The following FSTL4 variants were observed in gnomAD, a reference collection of about 807,000 sequenced individuals.
FSTL4 encodes follistatin like 4.
Under a neutral mutation model 78.2 loss-of-function variants are expected in FSTL4, and 28 were observed. The ratio of observed to expected loss-of-function variants is 0.36; its 90% CI spans 0.27 to 0.49. FSTL4 has a LOEUF of 0.49. FSTL4 is among the 20% of genes least tolerant of loss of function. The pLI is 0.98. For missense variants in FSTL4, 922 were observed against 1,084.9 expected, an observed-to-expected ratio of 0.85 and a Z score of 2.11; for synonymous variants, 422 against 440.5, an observed-to-expected ratio of 0.96 and a Z score of 0.53.
intron 6 of FSTL4, among the ~76,000 whole-genome samples, chr5:133,293,246 A>G (rs1240100695): frequency 1.3e-5 from 2 of 152,236 alleles, no homozygotes; most frequent in African/African-American, 2.4e-5. Context: ...AAGGGCCACA[A>G]GAGCCTCCCA....
At chr5:133,791,262 G>A in the FSTL4 span, among the ~76,000 whole-genome samples, 1 of 148,500 alleles carries the variant, frequency 6.7e-6, no homozygotes, top group Admixed American at 6.7e-5. Flanking sequence ...ATTGCAACCT[G>A]CATGCACATG....
chr5:133,786,930 C>T, the FSTL4 span, among the ~76,000 whole-genome samples: 7 of 152,092 alleles, frequency 4.6e-5, no homozygotes, highest in African/African-American at 1.4e-4. Flanking sequence ...AAAACTGAGG[C>T]TTAGAAAGAG....
At chr5:133,318,929 G>T (rs1753977087) in intron 4 of FSTL4, among the ~76,000 whole-genome samples, 1 of 152,198 alleles carries the variant, frequency 6.6e-6, no homozygotes, top group Non-Finnish European at 1.5e-5. Context: ...AGCATGGAGA[G>T]CGCCCTGGGA....
At chr5:133,527,667 A>G (rs1272793959) in intron 3 of FSTL4, among the ~76,000 whole-genome samples, 2 of 152,226 alleles carry the variant, frequency 1.3e-5, no homozygotes, top group East Asian at 3.8e-4. Flanking sequence ...AGTCATTCAC[A>G]TTATAGAAAT....
At chr5:133,276,355 G>A (rs527697771) in intron 6 of FSTL4, among the ~76,000 whole-genome samples, 24 of 152,334 alleles carry the variant, frequency 1.6e-4, no homozygotes, top group African/African-American at 5.5e-4. Context: ...TACAGGCTGG[G>A]GATGGCAGGG....
intron 2 of FSTL4, chr5:133,575,049 T>C (rs1760248914): frequency 6.6e-6 from 1 of 152,156 alleles, no homozygotes; most frequent in East Asian, 1.9e-4. Context: ...GTGTCTTTAC[T>C]ATATATTTGA....
intron 2 of FSTL4, 28 bp downstream of exon 2, chr5:133,603,830 T>C (rs761558691): frequency 3.7e-6 from 6 of 1,610,648 alleles, no homozygotes; most frequent in South Asian, 1.1e-5. Context: ...CAGTTTGAAA[T>C]GTTATGTCCG....
intron 1 of FSTL4, among the ~76,000 whole-genome samples, chr5:133,607,828 G>A (rs1167420048): frequency 1.3e-4 from 20 of 151,940 alleles, no homozygotes; most frequent in Admixed American, 8.5e-4. Flanking sequence ...ATTCTACCCC[G>A]GGATGGGGGC....
At chr5:133,458,686 T>C (rs928229989) in intron 3 of FSTL4, among the ~76,000 whole-genome samples, 5 of 152,240 alleles carry the variant, frequency 3.3e-5, no homozygotes, top group African/African-American at 1.2e-4. Flanking sequence ...CCCCAGATGA[T>C]GGGCAACTGT....
intron 3 of FSTL4, among the ~76,000 whole-genome samples, chr5:133,445,909 G>C (rs765805799): frequency 3.3e-5 from 5 of 152,176 alleles, no homozygotes; most frequent in East Asian, 1.9e-4. Flanking sequence ...TTACATACAG[G>C]AGCAGATGGC....
chr5:133,808,831 G>GTACC, the FSTL4 span, among the ~76,000 whole-genome samples: 1 of 151,812 alleles, frequency 6.6e-6, no homozygotes, highest in African/African-American at 2.4e-5. Context: ...AAGGGCAAAT[G>GTACC]TACCCTTCAC....
chr5:133,749,150 C>T, the FSTL4 span, among the ~76,000 whole-genome samples: 8 of 152,180 alleles, frequency 5.3e-5, no homozygotes, highest in African/African-American at 1.9e-4. Flanking sequence ...ACTGACTGGG[C>T]TTTGAATCCC....
chr5:133,342,785 C>T (rs1414305292), intron 4 of FSTL4, among the ~76,000 whole-genome samples: 1 of 152,210 alleles, frequency 6.6e-6, no homozygotes, highest in Non-Finnish European at 1.5e-5. Context: ...TCTCAGACCC[C>T]TAACAAGGCC....
At chr5:133,818,595 C>T in the FSTL4 span, among the ~76,000 whole-genome samples, 13 of 152,138 alleles carry the variant, frequency 8.5e-5, no homozygotes, top group African/African-American at 3.1e-4. Flanking sequence ...AATCTCCCGG[C>T]GGACATAAAA....
Position 133,583,326 on chromosome 5 carries a change from C to A in FSTL4, c.127-16107G>T, listed in dbSNP as rs753042158. ...ATGGCCGAATAGGAACAGCTCCGGT[C>A]TACAGCTCCCAGCGTGAGCGACGCA... On this transcript the variant is annotated intron_variant, in intron 2 of 15. Coordinates refer to ENST00000265342, the MANE Select transcript of FSTL4 (RefSeq NM_015082.2). The A allele has an allele frequency of 2.2e-5, 9 of 405,272 alleles. 2 individuals carry two copies. Among genetic ancestry groups the A allele is most frequent in the South Asian group, 1.5e-4 (9 of 59,110 alleles). 25.1% of individuals were successfully genotyped at this position (405,272 alleles called of 1,614,324 possible). A position where few individuals can be genotyped will look rare whatever the true frequency, so the allele number is the denominator to read the frequency against.
At chr5:133,399,473 C>T (rs754808937) in intron 4 of FSTL4, among the ~76,000 whole-genome samples, 5 of 152,180 alleles carry the variant, frequency 3.3e-5, no homozygotes, top group African/African-American at 4.8e-5. Flanking sequence ...TATGCTGCCA[C>T]GACTGCTGAG....
In FSTL4 at chr5:133,605,478, G is replaced by A. The variant is rs1452530804; in HGVS notation, c.-10-1485C>T. 3.9e-5 allele frequency among the ~76,000 whole-genome samples: 6 copies of A among 152,198 alleles called. No individual in the cohort carries two copies. The South Asian group carries it at 8.3e-4, about 21-fold the overall frequency. On this transcript the variant is annotated intron_variant, in intron 1 of 15. Transcript: ENST00000265342. ...GCATCCCTACTTTAGACAATGGGGT[G>A]GAAGTTGTCACATAGTCACTAGTGC...
intron 4 of FSTL4, among the ~76,000 whole-genome samples, chr5:133,324,877 C>T (rs1754169045): frequency 6.6e-6 from 1 of 152,250 alleles, no homozygotes. Flanking sequence ...GGCATGCTGA[C>T]CATGTGGTAC....
At chr5:133,818,951 ACACACACACACG>A in the FSTL4 span, among the ~76,000 whole-genome samples, 10 of 134,706 alleles carry the variant, frequency 7.4e-5, no homozygotes, top group Admixed American at 7.3e-5. Flanking sequence ...ATATATGTAC[ACACACACACACG>A]TACGCATGCA....
Sources: allele counts gnomAD v4.1 joint callset (sites outside exome capture counted in the v4.1 genomes callset), GRCh38; gene constraint gnomAD v4.1.1; transcripts MANE v1.5; gene names NCBI Gene and HGNC (gene_info 2026-07-23, HGNC 2026-07-21).